Variants in FHAD1 observed in about 807,000 individuals in gnomAD.
The protein encoded by FHAD1 is forkhead-associated domain-containing protein 1.
FHAD1 carries 146 observed loss-of-function variants against 191.3 expected under a neutral mutation model. The observed-to-expected ratio is 0.76, with a 90% CI of 0.67 to 0.88. FHAD1 has a LOEUF of 0.88. Ranked by LOEUF, FHAD1 falls within the 40% of genes least tolerant of loss-of-function variation. The pLI is 0.00. For missense variants in FHAD1, 1,635 were observed against 1,785.8 expected, an observed-to-expected ratio of 0.92 and a Z score of 1.52; for synonymous variants, 616 against 672.3, an observed-to-expected ratio of 0.92 and a Z score of 1.29.
chr1:15,323,456 C>T (rs1373640200), intron 10 of FHAD1, among the ~76,000 whole-genome samples: 7 of 152,158 alleles, frequency 4.6e-5, no homozygotes, highest in Non-Finnish European at 1.0e-4. Flanking sequence ...GCCGGCCTTC[C>T]CGGGAAACAG....
intron 10 of FHAD1, among the ~76,000 whole-genome samples, chr1:15,319,461 G>C (rs2101555137): frequency 6.6e-6 from 1 of 152,146 alleles, no homozygotes; most frequent in Non-Finnish European, 1.5e-5. Flanking sequence ...AAACTTAAGA[G>C]AAAAATCAAA....
In FHAD1 at chr1:15,341,876, G is replaced by T; in HGVS notation, c.2118G>T (p.Thr706=). Residue 706 remains threonine (T), a synonymous_variant, in exon 16 of 34, where the codon ACG becomes ACT. Coordinates refer to ENST00000688493, the MANE Select transcript of FHAD1 (RefSeq NM_001391957.1). ...EKLKAKIRQL[T]EEKAALEEYI... is the part of the protein sequence containing the mutation. ...TCAAAGCCAAAATCAGGCAACTGAC[G>T]GAAGAGAAGGCGGTAAGGTGGTCCC... The T allele has an allele frequency of 6.4e-7, 1 of 1,551,454 alleles. No homozygotes were observed. Among genetic ancestry groups the T allele is most frequent in the Middle Eastern group, 1.7e-4 (1 of 5,986 alleles).
Position 15,382,068 on chromosome 1 carries a change from GCA to G in FHAD1, c.4064_4065del (p.Ala1355GlufsTer5). 6.4e-7 allele frequency: 1 copy of G among 1,552,160 alleles called. No individual in the cohort carries two copies. Among genetic ancestry groups the G allele is most frequent in the East Asian group, 2.4e-5 (1 of 40,900 alleles). On this transcript the variant is annotated frameshift_variant, in exon 31 of 34. Coordinates refer to ENST00000688493, the MANE Select transcript of FHAD1 (RefSeq NM_001391957.1). LOFTEE classifies it high-confidence loss of function. ...VSIEMYQSQVAKLEDDIYKEA... is the reference protein window; with the variant it reads ...VSIEMYQSQVXKLEDDIYKEA... ...CATTGAGATGTACCAGTCGCAGGTG[GCA>G]AAGCTGGAGGATGATATCTACAAAG...
At chr1:15,284,734 C>T (rs1055994378) in intron 3 of FHAD1, among the ~76,000 whole-genome samples, 1 of 152,012 alleles carries the variant, frequency 6.6e-6, no homozygotes, top group African/African-American at 2.4e-5. Context: ...TTGGAGTTCT[C>T]GAGTACATTA....
At chr1:15,341,379 A>G (rs1686623797) in intron 15 of FHAD1, among the ~76,000 whole-genome samples, 1 of 152,152 alleles carries the variant, frequency 6.6e-6, no homozygotes, top group South Asian at 2.1e-4. Context: ...CTCCTACATG[A>G]CTGCTTTTTT....
At chr1:15,292,421 C>T (rs538045180) in intron 4 of FHAD1, among the ~76,000 whole-genome samples, 1 of 152,314 alleles carries the variant, frequency 6.6e-6, no homozygotes, top group East Asian at 1.9e-4. Context: ...GCAAGCTCCA[C>T]CTCCCAGGTT....
intron 19 of FHAD1, among the ~76,000 whole-genome samples, chr1:15,350,182 C>T (rs1164557370): frequency 2.0e-5 from 3 of 152,282 alleles, no homozygotes; most frequent in African/African-American, 7.2e-5. Context: ...TGGGCCAGGC[C>T]CGGTTCTGGG....
At chr1:15,236,906 G>C (rs953000827) in intron 1 of FHAD1, among the ~76,000 whole-genome samples, 1 of 152,170 alleles carries the variant, frequency 6.6e-6, no homozygotes, top group Admixed American at 6.5e-5. Context: ...GGAGGTAATT[G>C]AGTCATGAGG....
intron 26 of FHAD1, among the ~76,000 whole-genome samples, chr1:15,373,198 G>C (rs1389642520): frequency 6.6e-6 from 1 of 152,114 alleles, no homozygotes; most frequent in African/African-American, 2.4e-5. Context: ...AATCTTAAAA[G>C]GGTACATGAC....
chr1:15,249,257 G>C (rs1311682318), intron 1 of FHAD1, among the ~76,000 whole-genome samples: 1 of 150,566 alleles, frequency 6.6e-6, no homozygotes, highest in Non-Finnish European at 1.5e-5. Context: ...GCTACCGCAA[G>C]GCACCAGCTG....
chr1:15,352,180 C>T (rs953975435), intron 19 of FHAD1, among the ~76,000 whole-genome samples: 4 of 152,066 alleles, frequency 2.6e-5, no homozygotes, highest in South Asian at 2.1e-4. Flanking sequence ...TACATATACA[C>T]GTATATTTAA....
chr1:15,354,640 A>G (rs970761972), intron 20 of FHAD1, among the ~76,000 whole-genome samples: 7 of 152,162 alleles, frequency 4.6e-5, no homozygotes, highest in African/African-American at 1.7e-4. Flanking sequence ...AAAGTAGGTA[A>G]GTTGGGACAT....
At chr1:15,365,693 A>G (rs1696212620) in intron 23 of FHAD1, 134 bp from the exon 24 acceptor site, 1 of 599,694 alleles carries the variant, frequency 1.7e-6, no homozygotes, top group East Asian at 2.8e-5. Flanking sequence ...GACTGTCCTC[A>G]TCCTTTGCTG....
chr1:15,366,272 G>A (rs188771652), intron 24 of FHAD1, among the ~76,000 whole-genome samples: 35 of 120,274 alleles, frequency 2.9e-4, no homozygotes, highest in Middle Eastern at 6.3e-3. Flanking sequence ...GCGACAAAGC[G>A]AGACTCTGTC....
At chr1:15,308,499 C>G in intron 6 of FHAD1, 114 bp from the exon 7 acceptor site, 1 of 1,439,418 alleles carries the variant, frequency 6.9e-7, no homozygotes, top group East Asian at 2.5e-5. Context: ...CTTGGTTTCC[C>G]CAACACCCCA....
intron 33 of FHAD1, among the ~76,000 whole-genome samples, chr1:15,395,051 C>T (rs574103693): frequency 2.6e-5 from 4 of 152,096 alleles, no homozygotes; most frequent in African/African-American, 7.2e-5. Context: ...CGGTGGCTCA[C>T]GCCTGTAATC....
intron 33 of FHAD1, among the ~76,000 whole-genome samples, chr1:15,393,458 C>T (rs1704879858): frequency 7.4e-6 from 1 of 135,156 alleles, no homozygotes; most frequent in Non-Finnish European, 1.6e-5. Context: ...ACACACACTG[C>T]TATCTGTAAA....
intron 4 of FHAD1, among the ~76,000 whole-genome samples, chr1:15,293,497 A>T (rs1300278389): frequency 6.6e-6 from 1 of 152,122 alleles, no homozygotes; most frequent in Admixed American, 6.5e-5. Flanking sequence ...AGGAGGGCGA[A>T]TCACAAGGTC....
At chr1:15,401,778 C>T (rs55703621), downstream of FHAD1, among the ~76,000 whole-genome samples, 4,242 of 152,262 alleles carry the variant, frequency 0.028, 85 homozygotes, top group Non-Finnish European at 0.041. Flanking sequence ...CATGCTGAGG[C>T]CTCCTAAAGC....
Sources: allele counts gnomAD v4.1 joint callset (sites outside exome capture counted in the v4.1 genomes callset), GRCh38; gene constraint gnomAD v4.1.1; transcripts MANE v1.5; gene names NCBI Gene and HGNC (gene_info 2026-07-23, HGNC 2026-07-21).